Variants in XRCC1 observed in about 807,000 individuals in gnomAD.
XRCC1 encodes the protein X-ray repair cross complementing 1, also known as DNA repair protein XRCC1.
XRCC1 carries 52 observed loss-of-function variants against 83.3 expected under a neutral mutation model. The observed-to-expected ratio is 0.62, with a 90% CI of 0.50 to 0.79. The LOEUF (loss-of-function observed/expected upper bound fraction) is 0.79. Ranked by LOEUF, XRCC1 falls within the 30% of genes least tolerant of loss-of-function variation. XRCC1 has a pLI of 0.00. For missense variants in XRCC1, 793 were observed against 823.5 expected, an observed-to-expected ratio of 0.96 and a Z score of 0.45; for synonymous variants, 281 against 312.6, an observed-to-expected ratio of 0.90 and a Z score of 1.07.
In XRCC1 at chr19:43,551,644, G is replaced by A. The variant is rs1450429808; in HGVS notation, c.1126C>T (p.Leu376=). ...TCCTTACGCACGATGCGGCCTCCCA[G>A]GCCTAGGACCTGGCTGTACTTGGGG... ...NTPKYSQVLG[L]GGRIVRKEWV... Residue 376 remains leucine, a synonymous_variant, in exon 10 of 17, where the codon CTG becomes TTG. Coordinates refer to ENST00000262887, the MANE Select transcript of XRCC1 (RefSeq NM_006297.3). 1.9e-6 allele frequency: 3 copies of A among 1,614,108 alleles called. No homozygotes were observed. Among genetic ancestry groups the A allele is most frequent in the African/African-American group, 2.7e-5 (2 of 74,950 alleles).
At chr19:43,559,105 C>T (rs1972669025) in intron 3 of XRCC1, among the ~76,000 whole-genome samples, 1 of 151,792 alleles carries the variant, frequency 6.6e-6, no homozygotes, top group Admixed American at 6.6e-5. Flanking sequence ...CATGCCACTG[C>T]ACTCCAGCCT....
At chr19:43,559,665 A>C (rs1219505391) in intron 3 of XRCC1, among the ~76,000 whole-genome samples, 1 of 152,128 alleles carries the variant, frequency 6.6e-6, no homozygotes, top group East Asian at 1.9e-4. Flanking sequence ...TTACATCCTA[A>C]TCCCTGAACC....
chr19:43,572,169 ACT>A (rs2146073690), intron 2 of XRCC1, among the ~76,000 whole-genome samples: 2 of 151,802 alleles, frequency 1.3e-5, no homozygotes, highest in Admixed American at 6.6e-5. Flanking sequence ...GCCTCCAGTC[ACT>A]CTGTTTCCAC....
At chr19:43,549,568 T>C (rs1972555108) in intron 10 of XRCC1, among the ~76,000 whole-genome samples, 1 of 152,168 alleles carries the variant, frequency 6.6e-6, no homozygotes, top group Admixed American at 6.5e-5. Flanking sequence ...GCCAAATTTT[T>C]ATTTTTGAGA....
Position 43,554,738 on chromosome 19 carries a change from C to T in XRCC1, c.322G>A (p.Val108Ile), listed in dbSNP as rs1345722388. The change falls in exon 4 of 17, where the codon GTT becomes ATT. Residue 108 changes from valine (V) to isoleucine (I), a missense_variant. By Grantham distance (29) the Val-to-Ile change is conservative (BLOSUM62 3). Transcript: ENST00000262887. ...AGCTTGTCAGGCCCAAACATGCGAA[C>T]GCGGTTGGGGTTTGAGCCACTGCGG... is the stretch of plus-strand genomic sequence containing the variant. ...ESRSGSNPNR[V>I]RMFGPDKLVR... 6.2e-6 allele frequency: 10 copies of T among 1,613,902 alleles called. No individual in the cohort carries two copies. Among genetic ancestry groups the T allele is most frequent in the African/African-American group, 1.3e-5 (1 of 74,914 alleles).
intron 3 of XRCC1, 56 bp downstream of exon 3, chr19:43,560,854 G>C: frequency 7.0e-7 from 1 of 1,430,644 alleles, no homozygotes. Flanking sequence ...GGGAGACGGT[G>C]ATGCGAGCAT....
At chr19:43,554,096 A>G (rs1391674519) in intron 4 of XRCC1, among the ~76,000 whole-genome samples, 1 of 152,182 alleles carries the variant, frequency 6.6e-6, no homozygotes, top group African/African-American at 2.4e-5. Context: ...ACGACCTCAT[A>G]AGGAGAAGCC....
intron 2 of XRCC1, among the ~76,000 whole-genome samples, chr19:43,565,761 C>T (rs1000924101): frequency 1.3e-5 from 2 of 151,994 alleles, no homozygotes; most frequent in Non-Finnish European, 2.9e-5. Context: ...CATAGCAAAA[C>T]CCTGTCTCTA....
rs1312238818 is a variant in XRCC1 at position 43,546,938 on chromosome 19, A to C, written c.1239T>G (p.Asp413Glu). The change falls in exon 11 of 17, where the codon GAT becomes GAG. Residue 413 changes from aspartate to glutamate, a missense_variant. Asp to Glu is a conservative substitution (Grantham distance 45). Transcript: ENST00000262887. The stretch of plus-strand genomic sequence containing the variant: ...CGCTGCCACCGCTGTGAGAGGCCTC[A>C]TCCTCCTCACTGCTGGAACCTGGCC... Reference protein sequence around the residue: ...MAGPGSSSEEDEASHSGGSGD... With the variant: ...MAGPGSSSEEEEASHSGGSGD... 1 of 1,613,930 alleles carries C rather than the reference A, an allele frequency of 6.2e-7. No homozygotes were observed. The highest frequency in any genetic ancestry group is 8.5e-7 in the Non-Finnish European group (1 of 1,180,018).
chr19:43,557,792 C>CAAAAAAAAAAAAAAAAAAAAA (rs35267441), intron 3 of XRCC1, among the ~76,000 whole-genome samples: 1 of 41,002 alleles, frequency 2.4e-5, no homozygotes, highest in Non-Finnish European at 4.6e-5. Flanking sequence ...AATTCCATCT[C>CAAAAAAAAAAAAAAAAAAAAA]AAAAAAAAAA....
chr19:43,545,920 G>A lies in XRCC1; in HGVS notation c.1519C>T (p.Gln507Ter). Residue 507 changes from glutamine to a stop codon, truncating the protein, a stop_gained, in exon 14 of 17, where the codon CAG becomes TAG. Transcript: ENST00000262887. LOFTEE classifies it high-confidence loss of function. ...EQKEHRLPPG[Q>*]EENGEDPYAG... Reference sequence around the variant, plus strand: ...TACGGGTCTTCCCCATTCTCCTCCTGGCCAGGGGGCAGTCTGTGTTCCTTC... The same window carrying A: ...TACGGGTCTTCCCCATTCTCCTCCTAGCCAGGGGGCAGTCTGTGTTCCTTC... 1 of 1,613,930 alleles carries A rather than the reference G, an allele frequency of 6.2e-7. No individual in the cohort carries two copies. Among genetic ancestry groups the A allele is most frequent in the Non-Finnish European group, 8.5e-7 (1 of 1,179,898 alleles).
intron 2 of XRCC1, 90 bp from the exon 3 acceptor site, chr19:43,561,110 T>C: frequency 1.9e-6 from 2 of 1,037,154 alleles, no homozygotes; most frequent in Non-Finnish European, 3.0e-6. Context: ...TGGATCACCA[T>C]GTCCCTGTAA....
At chr19:43,558,442 C>A (rs1156514896) in intron 3 of XRCC1, among the ~76,000 whole-genome samples, 3 of 152,000 alleles carry the variant, frequency 2.0e-5, no homozygotes, top group Non-Finnish European at 4.4e-5. Context: ...TCAAGACCAG[C>A]CTGGGCAACA....
rs765431583 is a variant in XRCC1 at position 43,552,149 on chromosome 19, C to A, written c.950G>T (p.Gly317Val). The change falls in exon 9 of 17, where the codon GGG (glycine) becomes GTG (valine). Residue 317 changes from glycine (G) to valine (V), a missense_variant. Physicochemically the swap from Gly to Val is moderately radical, Grantham distance 109. Transcript: ENST00000262887. The stretch of plus-strand genomic sequence containing the variant: ...CACTACCACACCCTGAAGGATCTTC[C>A]CCAGCTCCTCTGGGCCAGCTCGGGG... ...RRPRAGPEEL[G>V]KILQGVVVVL... 4 of 1,614,114 alleles carry A rather than the reference C, an allele frequency of 2.5e-6. No homozygotes were observed. In the South Asian group the frequency reaches 4.4e-5, roughly 18 times the overall value.
intron 10 of XRCC1, among the ~76,000 whole-genome samples, chr19:43,549,878 T>C (rs190158247): frequency 2.4e-4 from 36 of 152,262 alleles, no homozygotes; most frequent in Non-Finnish European, 4.9e-4. Flanking sequence ...AATCCAACAC[T>C]GTTTGTCTTT....
At chr19:43,563,313 C>G (rs1017292515) in intron 2 of XRCC1, among the ~76,000 whole-genome samples, 2 of 152,158 alleles carry the variant, frequency 1.3e-5, no homozygotes, top group Non-Finnish European at 2.9e-5. Flanking sequence ...ATGGTGAAAC[C>G]CTGTCTCTAC....
intron 3 of XRCC1, among the ~76,000 whole-genome samples, chr19:43,558,056 G>T (rs1448448668): frequency 6.6e-6 from 1 of 152,156 alleles, no homozygotes; most frequent in Non-Finnish European, 1.5e-5. Flanking sequence ...TTCTCATCTT[G>T]TGACCTTCAC....
intron 2 of XRCC1, among the ~76,000 whole-genome samples, chr19:43,565,495 C>A (rs556555071): frequency 2.6e-5 from 4 of 152,358 alleles, no homozygotes; most frequent in Admixed American, 2.6e-4. Flanking sequence ...GAGTCAAACT[C>A]AACATCTTTA....
chr19:43,546,568 C>A, intron 12 of XRCC1, 27 bp downstream of exon 12: 1 of 1,590,100 alleles, frequency 6.3e-7, no homozygotes, highest in Non-Finnish European at 8.5e-7. Flanking sequence ...AGCCCAGGCC[C>A]CAGCCCCTCC....
Sources: allele counts gnomAD v4.1 joint callset (sites outside exome capture counted in the v4.1 genomes callset), GRCh38; gene constraint gnomAD v4.1.1; transcripts MANE v1.5; gene names NCBI Gene and HGNC (gene_info 2026-07-23, HGNC 2026-07-21).